The following PIEZO2 variants were observed in gnomAD, a reference collection of about 807,000 sequenced individuals.
PIEZO2 encodes piezo-type mechanosensitive ion channel component 2.
A neutral mutation model predicts 337.3 loss-of-function variants in PIEZO2; 172 were observed. The ratio of observed to expected loss-of-function variants is 0.51; its 90% CI spans 0.45 to 0.58. PIEZO2 has a LOEUF of 0.58. Ranked by LOEUF, PIEZO2 falls within the 20% of genes least tolerant of loss-of-function variation. The pLI, the probability that PIEZO2 is intolerant of heterozygous loss-of-function variation, is 0.00. For missense variants in PIEZO2, 3,028 were observed against 3,391.3 expected, an observed-to-expected ratio of 0.89 and a Z score of 2.66; for synonymous variants, 1,251 against 1,228.5, an observed-to-expected ratio of 1.02 and a Z score of -0.38.
intron 49 of PIEZO2, among the ~76,000 whole-genome samples, chr18:10,684,205 G>T (rs192437620): frequency 7.8e-5 from 9 of 114,766 alleles, no homozygotes; most frequent in South Asian, 3.1e-4. Flanking sequence ...TTGCTCTGTC[G>T]CCCAGGCTGG....
intron 3 of PIEZO2, among the ~76,000 whole-genome samples, chr18:10,957,406 C>CAAA (rs36005894): frequency 0.013 from 1,905 of 144,966 alleles, 41 homozygotes; most frequent in African/African-American, 0.045. Context: ...AACAAACCAA[C>CAAA]AAAAAAAAAA....
intron 27 of PIEZO2, among the ~76,000 whole-genome samples, chr18:10,754,234 T>TTTCTGAATAGAGAGACTGAACCCTGGTG (rs2037751646): frequency 6.6e-6 from 1 of 152,222 alleles, no homozygotes; most frequent in Non-Finnish European, 1.5e-5. Context: ...GCCTTAAGGA[T>TTTCTGAATAGAGAGACTGAACCCTGGTG]TTCTGAATAG....
At chr18:11,065,234 G>T (rs913007993) in intron 2 of PIEZO2, among the ~76,000 whole-genome samples, 3 of 152,206 alleles carry the variant, frequency 2.0e-5, no homozygotes, top group Non-Finnish European at 4.4e-5. Flanking sequence ...TTTCTAAAGA[G>T]TTGATCACTA....
rs778526356 is a variant in PIEZO2 at position 10,680,278 on chromosome 18, G to A, written c.7873C>T (p.Pro2625Ser). The A allele has an allele frequency of 6.2e-7, 1 of 1,613,964 alleles. No homozygotes were observed. The highest frequency in any genetic ancestry group is 8.5e-7 in the Non-Finnish European group (1 of 1,179,854). The change falls in exon 52 of 56, where the codon CCC becomes TCC. Residue 2625 changes from proline (P) to serine (S), a missense_variant. Pro to Ser is a moderately conservative substitution (Grantham distance 74). This residue lies in a region of PIEZO2 where 332 missense variants were observed against 363.8 expected (regional missense o/e 0.91). Transcript: ENST00000674853. ...NSNSLWTISP[P>S]SKQKMIHELL... ...TCGTGTATCATTTTCTGCTTACTGG[G>A]TGGGCTGATGGTCCACAAAGAATTT...
intron 2 of PIEZO2, among the ~76,000 whole-genome samples, chr18:11,042,104 C>A (rs1330908557): frequency 6.6e-6 from 1 of 152,206 alleles, no homozygotes; most frequent in Non-Finnish European, 1.5e-5. Flanking sequence ...ATATGGAGTA[C>A]CTTCTAGTCA....
Position 10,767,268 on chromosome 18 carries a change from CT to C in PIEZO2, c.2946+2879del, listed in dbSNP as rs1471909636. Among the ~76,000 whole-genome samples the C allele has an allele frequency of 6.6e-6, 1 of 152,212 alleles. No individual in the cohort carries two copies. The highest frequency in any genetic ancestry group is 2.4e-5 in the African/African-American group (1 of 41,452). ...AGATGCTGATGGAAAATAAAGGTTT[CT>C]CTGTTTCTTTTCCAGCAACTTCTTC... On this transcript the variant is annotated intron_variant, in intron 21 of 55. Transcript: ENST00000674853. This position sits in a 1 kb window ranked among gnomAD's most constrained non-coding sequence, Gnocchi z 4.2.
In PIEZO2 at chr18:10,766,306, G is replaced by T. The variant is rs1478876596; in HGVS notation, c.2947-3208C>A. Among the ~76,000 whole-genome samples, 1 of 151,854 alleles carries T rather than the reference G, an allele frequency of 6.6e-6. No homozygotes were observed. Among genetic ancestry groups the T allele is most frequent in the Admixed American group, 6.6e-5 (1 of 15,236 alleles). ...AGAGAAGGGGAAGCAGAAAGGAGGG[G>T]AAGGGGAAGGAGAAGTAGGAGGAGA... On this transcript the variant is annotated intron_variant, in intron 21 of 55. Transcript: ENST00000674853. The surrounding 1 kb of genome is among the most constrained non-coding windows in gnomAD (Gnocchi z 6.1).
At chr18:10,758,967 A>G (rs1318007425) in intron 26 of PIEZO2, among the ~76,000 whole-genome samples, 1 of 152,156 alleles carries the variant, frequency 6.6e-6, no homozygotes, top group East Asian at 1.9e-4. Context: ...CATTTTCTGT[A>G]AAACCCAGCA....
At chr18:10,812,194 A>G (rs2040215391) in intron 7 of PIEZO2, among the ~76,000 whole-genome samples, 1 of 152,228 alleles carries the variant, frequency 6.6e-6, no homozygotes, top group Non-Finnish European at 1.5e-5. Context: ...AGACTCAAAT[A>G]TCCAATGGTA....
intron 53 of PIEZO2, among the ~76,000 whole-genome samples, chr18:10,675,765 C>T (rs995429756): frequency 2.6e-5 from 4 of 152,152 alleles, no homozygotes; most frequent in South Asian, 2.1e-4. Context: ...ATGGGAGGGG[C>T]TGGTGGCAGA....
intron 1 of PIEZO2, among the ~76,000 whole-genome samples, chr18:11,115,548 T>A (rs1454367507): frequency 1.3e-5 from 2 of 152,322 alleles, no homozygotes; most frequent in African/African-American, 4.8e-5. Flanking sequence ...AAAGCCTATG[T>A]ATTGAGACAA....
intron 2 of PIEZO2, among the ~76,000 whole-genome samples, chr18:11,022,397 C>T (rs895666812): frequency 2.0e-5 from 3 of 152,210 alleles, no homozygotes; most frequent in Admixed American, 6.5e-5. Context: ...CTGCTGGGGG[C>T]ATGGTAGCAA....
chr18:10,804,050 TG>T, intron 8 of PIEZO2, 56 bp from the exon 9 acceptor site: 1 of 1,523,636 alleles, frequency 6.6e-7, no homozygotes, highest in Non-Finnish European at 8.8e-7. Flanking sequence ...CTAGACAGCC[TG>T]GGTGGCCAAG....
chr18:11,089,613 A>C (rs1259234424), intron 1 of PIEZO2, among the ~76,000 whole-genome samples: 3 of 152,318 alleles, frequency 2.0e-5, no homozygotes, highest in South Asian at 2.1e-4. Flanking sequence ...GCACGCGTTA[A>C]ATCCCCATCA....
intron 2 of PIEZO2, among the ~76,000 whole-genome samples, chr18:11,054,675 C>T (rs1199976846): frequency 6.6e-6 from 1 of 152,228 alleles, no homozygotes; most frequent in Non-Finnish European, 1.5e-5. Context: ...GCCAAACACT[C>T]CCTCATTCTC....
intron 27 of PIEZO2, among the ~76,000 whole-genome samples, chr18:10,756,585 A>G (rs2037862077): frequency 7.2e-6 from 1 of 139,320 alleles, no homozygotes; most frequent in Admixed American, 7.2e-5. Context: ...CAGATAAAGG[A>G]TGAAAGATGA....
intron 3 of PIEZO2, among the ~76,000 whole-genome samples, chr18:10,956,045 A>T (rs264182): frequency 0.47 from 71,705 of 151,866 alleles, 17,134 homozygotes; most frequent in Non-Finnish European, 0.51. Context: ...TCCAATTTCC[A>T]TTATTATTAG....
chr18:11,053,286 A>G (rs1340461462), intron 2 of PIEZO2, among the ~76,000 whole-genome samples: 1 of 152,206 alleles, frequency 6.6e-6, no homozygotes, highest in African/African-American at 2.4e-5. Flanking sequence ...AGTACACCAA[A>G]AAAACCTTGC....
intron 2 of PIEZO2, among the ~76,000 whole-genome samples, chr18:10,991,394 C>T (rs34034679): frequency 0.044 from 6,493 of 148,056 alleles, 200 homozygotes; most frequent in South Asian, 0.071. Flanking sequence ...CCCCACCCCC[C>T]GACAGGCCCT....
Sources: allele counts gnomAD v4.1 joint callset (sites outside exome capture counted in the v4.1 genomes callset), GRCh38; gene constraint gnomAD v4.1.1; regional missense constraint gnomAD v4.1.1; non-coding constraint Gnocchi (gnomAD v3.1); transcripts MANE v1.5; gene names NCBI Gene and HGNC (gene_info 2026-07-23, HGNC 2026-07-21).